C1orf50: variants seen among roughly 807,000 people sequenced by gnomAD.
C1orf50 encodes uncharacterized protein C1orf50.
Under a neutral mutation model 23.3 loss-of-function variants are expected in C1orf50, and 22 were observed. The ratio of observed to expected loss-of-function variants is 0.94; its 90% confidence interval spans 0.67 to 1.35. The LOEUF (loss-of-function observed/expected upper bound fraction) is 1.35, where lower values mean the gene tolerates loss of function less well. C1orf50 is among the 40% of genes most tolerant of loss of function. The pLI is 0.00. For missense variants in C1orf50, 271 were observed against 249.4 expected (o/e 1.09, Z -0.58); for synonymous variants, 96 against 102.4 (o/e 0.94, Z 0.38).
In C1orf50 at chr1:42,775,290, A is replaced by G; in HGVS notation, c.496A>G (p.Ile166Val). Residue 166 changes from isoleucine to valine, a missense_variant, in exon 5 of 5, where the codon ATT becomes GTT. By Grantham distance (29) the Ile-to-Val change is conservative (BLOSUM62 3). Transcript: ENST00000372525. The part of the protein sequence containing the change: ...HDLSWTPYED[I>V]EKQDAKISMM... ...CTTGTCCTGGACTCCGTATGAGGAC[A>G]TTGAGAAGCAAGATGCTAAAATCAG... 6.2e-7 allele frequency: 1 copy of G among 1,613,452 alleles called. No homozygotes were observed. The highest frequency in any genetic ancestry group is 1.7e-5 in the Admixed American group (1 of 60,010).
chr1:42,770,117 G>T (rs541163488), intron 2 of C1orf50, among the ~76,000 whole-genome samples: 1 of 152,148 alleles, frequency 6.6e-6, no homozygotes, highest in African/African-American at 2.4e-5. Flanking sequence ...TGAGGCCAGG[G>T]TTAGTGCTTA....
chr1:42,770,952 T>C (rs1184529898), intron 2 of C1orf50, among the ~76,000 whole-genome samples: 1 of 152,186 alleles, frequency 6.6e-6, no homozygotes, highest in African/African-American at 2.4e-5. Context: ...ATATCCTTGG[T>C]GAGGCCTTCT....
At chr1:42,768,927 C>A (rs1653156355) in intron 2 of C1orf50, among the ~76,000 whole-genome samples, 1 of 152,040 alleles carries the variant, frequency 6.6e-6, no homozygotes, top group Admixed American at 6.6e-5. Context: ...AAAAAAAAAA[C>A]TTTAGAGACA....
At position 42,773,668 on chromosome 1, in the gene C1orf50, A is replaced by C. The variant is rs762804396; in HGVS notation, c.282+19A>C. 3.1e-5 allele frequency: 48 copies of C among 1,542,906 alleles called. No individual in the cohort carries two copies. The highest frequency in any genetic ancestry group is 4.3e-5 in the Non-Finnish European group (48 of 1,118,728). On this transcript the variant is annotated intron_variant, in intron 3 of 4. Transcript: ENST00000372525. ...CAGGAAGGTAAGGAATGACTGTTAG[A>C]CAGGCTTTCATTTTCTTTATTTAGT... is the stretch of plus-strand genomic sequence containing the variant.
In C1orf50 at chr1:42,777,639, C is replaced by T. The variant is rs1335059567; in HGVS notation, c.*2245C>T. On this transcript the variant is annotated 3_prime_UTR_variant, in exon 5 of 5. Coordinates refer to ENST00000372525, the MANE Select transcript of C1orf50 (RefSeq NM_024097.4). ...TTGGAAGCAAGTCACTAGGCTAGCC[C>T]ATATTCAAGGGAGGGAGTTATACAA... 6.6e-6 allele frequency: 1 copy of T among 152,126 alleles called. No individual in the cohort carries two copies. The allele number at this position is 152,126 out of a possible 1,614,324, so 9.4% of individuals were successfully genotyped here.
In C1orf50 at chr1:42,779,082, A is replaced by G. The variant is rs1653395560; in HGVS notation, c.*3688A>G. Reference sequence around the variant, plus strand: ...ATTTTTTCTTTCTTAGAGCTACATAAAAGAATCATAACAAGCTGGGCGCAG... The same window carrying G: ...ATTTTTTCTTTCTTAGAGCTACATAGAAGAATCATAACAAGCTGGGCGCAG... On this transcript the variant is annotated 3_prime_UTR_variant, in exon 5 of 5. Coordinates refer to ENST00000372525, the MANE Select transcript of C1orf50 (RefSeq NM_024097.4). 1 of 150,894 alleles carries G rather than the reference A, an allele frequency of 6.6e-6. No individual in the cohort carries two copies. Among genetic ancestry groups the G allele is most frequent in the Non-Finnish European group, 1.5e-5 (1 of 67,890 alleles). 9.3% of individuals were successfully genotyped at this position (150,894 alleles called of 1,614,324 possible).
intron 2 of C1orf50, among the ~76,000 whole-genome samples, chr1:42,772,383 A>G (rs1343160302): frequency 6.6e-6 from 1 of 152,206 alleles, no homozygotes. Context: ...CTTAAAAGTA[A>G]GGTGGAAGTT....
At chr1:42,767,959 A>G (rs763856262) in intron 2 of C1orf50, among the ~76,000 whole-genome samples, 1 of 152,210 alleles carries the variant, frequency 6.6e-6, no homozygotes, top group Admixed American at 6.5e-5. Context: ...GACACAAAGA[A>G]AAGTTCTTCG....
Position 42,773,650 on chromosome 1 carries a change from G to A in C1orf50, c.282+1G>A. 1 of 1,602,104 alleles carries A rather than the reference G, an allele frequency of 6.2e-7. No individual in the cohort carries two copies. Among genetic ancestry groups the A allele is most frequent in the African/African-American group, 1.3e-5 (1 of 74,788 alleles). On this transcript the variant is annotated splice_donor_variant, in intron 3 of 4. Coordinates refer to ENST00000372525, the MANE Select transcript of C1orf50 (RefSeq NM_024097.4). LOFTEE classifies it high-confidence loss of function. The stretch of plus-strand genomic sequence containing the variant: ...ACATTTGCAAGAACAAGCCAGGAAG[G>A]TAAGGAATGACTGTTAGACAGGCTT...
chr1:42,772,810 T>C (rs1653250572), intron 2 of C1orf50, among the ~76,000 whole-genome samples: 1 of 152,166 alleles, frequency 6.6e-6, no homozygotes, highest in African/African-American at 2.4e-5. Context: ...TGCCTTCAGT[T>C]GCACTTTGTG....
Position 42,775,762 on chromosome 1 carries a change from T to TTATATATATATATATATATA in C1orf50, c.*373_*392dup, listed in dbSNP as rs35859868. On this transcript the variant is annotated 3_prime_UTR_variant, in exon 5 of 5. Coordinates refer to ENST00000372525, the MANE Select transcript of C1orf50 (RefSeq NM_024097.4). ...TCCAGAGAGAACTGTTTTCAGTCTT[T>TTATATATATATATATATATA]TATATATATATATATATATATATAA... is the stretch of plus-strand genomic sequence containing the variant. 62 of 136,000 alleles carry TTATATATATATATATATATA rather than the reference T, an allele frequency of 4.6e-4. 2 individuals are homozygous for TTATATATATATATATATATA. The South Asian group carries it at 7.1e-3, about 16-fold the overall frequency. 8.4% of individuals were successfully genotyped at this position (136,000 alleles called of 1,614,324 possible). A position where few individuals can be genotyped will look rare whatever the true frequency, so the allele number is the denominator to read the frequency against.
rs1306613693 is a variant in C1orf50 at position 42,776,924 on chromosome 1, A to G, written c.*1530A>G. Reference sequence around the variant, plus strand: ...TTAAAGCAACACCTATTTATTTCAGAGCTTACAGGTTAGGAGTTCAGGCAC... The same window carrying G: ...TTAAAGCAACACCTATTTATTTCAGGGCTTACAGGTTAGGAGTTCAGGCAC... On this transcript the variant is annotated 3_prime_UTR_variant, in exon 5 of 5. Transcript: ENST00000372525. 6.6e-6 allele frequency: 1 copy of G among 152,176 alleles called. No individual in the cohort carries two copies. The highest frequency in any genetic ancestry group is 1.5e-5 in the Non-Finnish European group (1 of 68,042). 9.4% of individuals were successfully genotyped at this position (152,176 alleles called of 1,614,324 possible).
At chr1:42,768,740 G>A (rs1653148977) in intron 2 of C1orf50, among the ~76,000 whole-genome samples, 1 of 150,706 alleles carries the variant, frequency 6.6e-6, no homozygotes, top group East Asian at 1.9e-4. Context: ...ACAGAATCTT[G>A]TGCACACAAC....
chr1:42,767,655 C>T (rs1049454811), intron 2 of C1orf50, 31 bp downstream of exon 2: 3 of 1,564,418 alleles, frequency 1.9e-6, no homozygotes, highest in Non-Finnish European at 2.6e-6. Context: ...CAGCGAATAA[C>T]CATCTTCGTT....
intron 4 of C1orf50, 33 bp downstream of exon 4, chr1:42,774,901 C>T (rs1653303352): frequency 6.3e-7 from 1 of 1,587,694 alleles, no homozygotes; most frequent in Non-Finnish European, 8.6e-7. Context: ...CAAAAATCTA[C>T]TCCAGCCTCT....
chr1:42,771,974 CA>C (rs10715817), intron 2 of C1orf50, among the ~76,000 whole-genome samples: 81,264 of 126,172 alleles, frequency 0.64, 23,669 homozygotes, highest in African/African-American at 0.68. Flanking sequence ...GACTCTGCCT[CA>C]AAAAAAAAAA....
chr1:42,774,957 T>A (rs1015070519), intron 4 of C1orf50, 89 bp downstream of exon 4: 14 of 1,466,428 alleles, frequency 9.5e-6, no homozygotes, highest in African/African-American at 1.4e-5. Flanking sequence ...TGTGGATTGG[T>A]ATATGGTTTC....
rs577017600 is a variant in C1orf50 at position 42,770,305 on chromosome 1, T to C, written c.195+2681T>C. On this transcript the variant is annotated intron_variant, in intron 2 of 4. Transcript: ENST00000372525. ...TCAAAATATAAATTCAAATTTTGTT[T>C]ATGAGATTTATTGCTAACACCTTAA... Among the ~76,000 whole-genome samples the C allele has an allele frequency of 5.3e-5, 8 of 152,324 alleles. 1 individual carries two copies. Among genetic ancestry groups the C allele is most frequent in the African/African-American group, 1.9e-4 (8 of 41,566 alleles).
Position 42,767,558 on chromosome 1 carries a change from CCCCTA to C in C1orf50, c.132_136del (p.Tyr45HisfsTer21), listed in dbSNP as rs1653100992. The C allele has an allele frequency of 6.2e-7, 1 of 1,609,312 alleles. No homozygotes were observed. Among genetic ancestry groups the C allele is most frequent in the Non-Finnish European group, 8.5e-7 (1 of 1,178,644 alleles). The stretch of plus-strand genomic sequence containing the variant: ...CCCCCGGCGGCCTGGCCCTGGTGAG[CCCCTA>C]CCACACCCACCGGGCCGGGGACCCC... On this transcript the variant is annotated frameshift_variant, in exon 2 of 5. Transcript: ENST00000372525. LOFTEE classifies it high-confidence loss of function.
Sources: allele counts gnomAD v4.1 joint callset (sites outside exome capture counted in the v4.1 genomes callset), GRCh38; gene constraint gnomAD v4.1.1; transcripts MANE v1.5; gene names NCBI Gene and HGNC (gene_info 2026-07-23, HGNC 2026-07-21).